Variants in SGCZ observed in about 807,000 individuals in gnomAD.
The protein encoded by SGCZ is sarcoglycan zeta.
In SGCZ, 40 loss-of-function variants were observed where a neutral mutation model predicts 41.3. The ratio of observed to expected loss-of-function variants is 0.97; its 90% CI spans 0.75 to 1.26. The LOEUF (loss-of-function observed/expected upper bound fraction) is 1.26. SGCZ is among the 50% of genes most tolerant of loss of function. SGCZ has a pLI of 0.00. For synonymous variants in SGCZ, 206 were observed against 137.5 expected, an observed-to-expected ratio of 1.50 and a Z score of -3.49; for missense variants, 552 against 369.8, an observed-to-expected ratio of 1.49 and a Z score of -4.04.
At chr8:14,561,217 T>C (rs1054323726) in intron 1 of SGCZ, among the ~76,000 whole-genome samples, 2 of 152,214 alleles carry the variant, frequency 1.3e-5, no homozygotes, top group African/African-American at 4.8e-5. Context: ...ATATTGCCAT[T>C]TTTAAGCATT....
chr8:14,538,909 G>C (rs775350986), intron 2 of SGCZ, among the ~76,000 whole-genome samples: 21 of 151,922 alleles, frequency 1.4e-4, no homozygotes, highest in Non-Finnish European at 2.5e-4. Context: ...AGGTCAATTA[G>C]AAAGCTATTT....
intron 3 of SGCZ, among the ~76,000 whole-genome samples, chr8:14,297,025 G>C (rs1222591990): frequency 2.6e-5 from 4 of 151,930 alleles, no homozygotes; most frequent in Non-Finnish European, 5.9e-5. Flanking sequence ...AGGTTCAAAC[G>C]ATTCTCCTGT....
chr8:14,789,045 C>T (rs1206105911), intron 1 of SGCZ, among the ~76,000 whole-genome samples: 2 of 152,086 alleles, frequency 1.3e-5, no homozygotes, highest in Admixed American at 6.6e-5. Context: ...GACTCGTTAA[C>T]ATTGGAATCA....
intron 1 of SGCZ, among the ~76,000 whole-genome samples, chr8:15,046,848 T>C (rs1281162696): frequency 6.6e-6 from 1 of 152,020 alleles, no homozygotes; most frequent in Non-Finnish European, 1.5e-5. Context: ...TACATATTTG[T>C]AACTCTCTTC....
chr8:14,326,399 G>A (rs1302955271), intron 2 of SGCZ, among the ~76,000 whole-genome samples: 2 of 151,976 alleles, frequency 1.3e-5, no homozygotes, highest in Non-Finnish European at 2.9e-5. Flanking sequence ...GAAAAATTTT[G>A]AAGAGAGAAA....
At chr8:14,671,292 T>C (rs1374568436) in intron 1 of SGCZ, among the ~76,000 whole-genome samples, 1 of 152,210 alleles carries the variant, frequency 6.6e-6, no homozygotes, top group Non-Finnish European at 1.5e-5. Flanking sequence ...TGCTCTGGCA[T>C]TTCATAATTG....
chr8:14,332,218 G>A (rs1156681812), intron 2 of SGCZ, among the ~76,000 whole-genome samples: 2 of 152,008 alleles, frequency 1.3e-5, no homozygotes, highest in East Asian at 1.9e-4. Context: ...GGCGGATCAC[G>A]AGTTCAGGAG....
At chr8:15,035,800 A>G (rs1803854720) in intron 1 of SGCZ, among the ~76,000 whole-genome samples, 1 of 152,130 alleles carries the variant, frequency 6.6e-6, no homozygotes, top group Admixed American at 6.5e-5. Flanking sequence ...TTATTAATAT[A>G]TATGCACTTA....
chr8:14,987,220 A>G (rs187408308), intron 1 of SGCZ, among the ~76,000 whole-genome samples: 38 of 152,064 alleles, frequency 2.5e-4, no homozygotes, highest in Admixed American at 2.6e-4. Context: ...AAAGTACATT[A>G]TAGATAAGAA....
chr8:14,091,289 A>G (rs923928181), intron 7 of SGCZ, among the ~76,000 whole-genome samples: 2 of 151,876 alleles, frequency 1.3e-5, no homozygotes, highest in African/African-American at 2.4e-5. Context: ...GAGTGCCGCA[A>G]TAAACTTAAG....
intron 1 of SGCZ, among the ~76,000 whole-genome samples, chr8:14,655,420 C>A (rs557132676): frequency 2.0e-5 from 3 of 152,016 alleles, no homozygotes; most frequent in African/African-American, 7.3e-5. Flanking sequence ...TTCCTGCATG[C>A]GTAACTTGAG....
At chr8:15,010,794 C>A (rs1185414730) in intron 1 of SGCZ, among the ~76,000 whole-genome samples, 1 of 152,160 alleles carries the variant, frequency 6.6e-6, no homozygotes, top group African/African-American at 2.4e-5. Context: ...TTCTGGATCT[C>A]CTCTCAAGGT....
intron 4 of SGCZ, among the ~76,000 whole-genome samples, chr8:14,194,460 A>T: frequency 6.6e-6 from 1 of 151,934 alleles, no homozygotes; most frequent in East Asian, 1.9e-4. Flanking sequence ...AGGCTGAGAG[A>T]GAACTTCTCT....
intron 1 of SGCZ, among the ~76,000 whole-genome samples, chr8:15,228,587 C>G (rs1024290349): frequency 1.3e-5 from 2 of 152,116 alleles, no homozygotes; most frequent in Non-Finnish European, 2.9e-5. Context: ...AAAATAATGT[C>G]TCTGCCCTAG....
At chr8:14,751,603 GAGATTGCCTGAAA>G (rs1452509829) in intron 1 of SGCZ, among the ~76,000 whole-genome samples, 8 of 152,132 alleles carry the variant, frequency 5.3e-5, no homozygotes, top group Non-Finnish European at 1.2e-4. Context: ...TTTAATGCAT[GAGATTGCCTGAAA>G]AGAGAGGCTG....
intron 4 of SGCZ, among the ~76,000 whole-genome samples, chr8:14,231,702 TC>T (rs761143741): frequency 2.6e-5 from 4 of 152,156 alleles, no homozygotes; most frequent in Non-Finnish European, 5.9e-5. Flanking sequence ...GCTCAATGAT[TC>T]TTTTAATGTA....
intron 1 of SGCZ, among the ~76,000 whole-genome samples, chr8:14,932,793 TA>T (rs1395473683): frequency 1.4e-4 from 22 of 152,082 alleles, no homozygotes; most frequent in African/African-American, 5.3e-4. Flanking sequence ...AACATTTTAA[TA>T]ATCTTTTCTA....
chr8:14,833,844 T>G (rs901255302), intron 1 of SGCZ, among the ~76,000 whole-genome samples: 4 of 151,896 alleles, frequency 2.6e-5, no homozygotes, highest in Admixed American at 6.6e-5. Context: ...TGTGTTAAAT[T>G]AAATCAACTG....
At chr8:15,231,750 T>A (rs1349722151) in intron 1 of SGCZ, among the ~76,000 whole-genome samples, 4 of 150,690 alleles carry the variant, frequency 2.7e-5, no homozygotes, top group African/African-American at 9.8e-5. Flanking sequence ...ACCTCCCGAG[T>A]AGCTGGGAGT....
Sources: gnomAD v4.1 joint callset for allele counts (sites outside exome capture counted in the v4.1 genomes callset) on GRCh38, gnomAD v4.1.1 for gene constraint, MANE v1.5 for transcripts, NCBI Gene and HGNC (gene_info 2026-07-23, HGNC 2026-07-21) for gene names.